ANO10: variants seen among roughly 807,000 people sequenced by gnomAD.
ANO10 encodes the protein anoctamin-10.
In ANO10, 77 loss-of-function variants were observed where a neutral mutation model predicts 74.7. The ratio of observed to expected loss-of-function variants is 1.03; its 90% confidence interval spans 0.86 to 1.25. The LOEUF is 1.25. Ranked by LOEUF, ANO10 falls within the 50% of genes most tolerant of loss-of-function variation. The pLI is 0.00. For missense variants in ANO10, 721 were observed against 778.1 expected, an observed-to-expected ratio of 0.93 and a Z score of 0.87; for synonymous variants, 279 against 284.9, an observed-to-expected ratio of 0.98 and a Z score of 0.21.
chr3:43,408,138 T>C (rs1372008184), intron 12 of ANO10, among the ~76,000 whole-genome samples: 1 of 152,134 alleles, frequency 6.6e-6, no homozygotes, highest in Non-Finnish European at 1.5e-5. Flanking sequence ...GAAAGCCTCA[T>C]TCAAAAAATA....
At chr3:43,643,476 A>G (rs953184521) in intron 1 of ANO10, among the ~76,000 whole-genome samples, 6 of 151,806 alleles carry the variant, frequency 4.0e-5, no homozygotes, top group Admixed American at 2.0e-4. Flanking sequence ...GTATGTTATA[A>G]AATGTTTGGA....
intron 11 of ANO10, among the ~76,000 whole-genome samples, chr3:43,455,434 G>C: frequency 6.6e-6 from 1 of 152,090 alleles, no homozygotes; most frequent in Non-Finnish European, 1.5e-5. Flanking sequence ...CAGCAGCCAT[G>C]GATGTGGAAG....
At chr3:43,613,851 C>A (rs1424175905) in intron 1 of ANO10, among the ~76,000 whole-genome samples, 1 of 152,116 alleles carries the variant, frequency 6.6e-6, no homozygotes, top group Non-Finnish European at 1.5e-5. Flanking sequence ...TTGAGGAGCC[C>A]TTAGTCTAGT....
chr3:43,418,979 G>A (rs1357597687), intron 12 of ANO10, among the ~76,000 whole-genome samples: 1 of 152,218 alleles, frequency 6.6e-6, no homozygotes, highest in Non-Finnish European at 1.5e-5. Context: ...GAGACTGGAT[G>A]GCCCACGTGC....
intron 11 of ANO10, among the ~76,000 whole-genome samples, chr3:43,446,064 G>A (rs1403344202): frequency 6.6e-6 from 1 of 152,122 alleles, no homozygotes; most frequent in Non-Finnish European, 1.5e-5. Context: ...GAAACGTATA[G>A]ATATCACTGT....
At chr3:43,619,659 G>A (rs1002293860) in intron 1 of ANO10, among the ~76,000 whole-genome samples, 13 of 151,652 alleles carry the variant, frequency 8.6e-5, no homozygotes, top group African/African-American at 2.9e-4. Flanking sequence ...AGACCAGCCT[G>A]GGCAACATGG....
chr3:43,373,431 G>A (rs1187494829), intron 12 of ANO10, among the ~76,000 whole-genome samples: 1 of 151,768 alleles, frequency 6.6e-6, no homozygotes, highest in East Asian at 1.9e-4. Flanking sequence ...GACATGTGAG[G>A]GAGTCTATGA....
chr3:43,618,903 G>A (rs1435325671), intron 1 of ANO10, among the ~76,000 whole-genome samples: 3 of 152,008 alleles, frequency 2.0e-5, no homozygotes, highest in Admixed American at 6.5e-5. Flanking sequence ...CCGGGTTCAC[G>A]CCATTCTCCT....
chr3:43,613,403 T>C (rs2082928211), intron 1 of ANO10, among the ~76,000 whole-genome samples: 1 of 152,050 alleles, frequency 6.6e-6, no homozygotes, highest in South Asian at 2.1e-4. Context: ...GTAAAATCAG[T>C]GAAGCAAGAA....
At chr3:43,500,487 T>G (rs546462075) in intron 11 of ANO10, among the ~76,000 whole-genome samples, 1 of 152,342 alleles carries the variant, frequency 6.6e-6, no homozygotes, top group African/African-American at 2.4e-5. Flanking sequence ...AATGGCCCAG[T>G]GTTGACATTC....
rs79789471 is a variant in ANO10, at chr3:43,507,354, C to T, written c.1797+42366G>A. The stretch of plus-strand genomic sequence containing the variant: ...AGGGAATAAGAAGTGTTCAGCGAGG[C>T]TCAGGGACCTACCACAGGTCCAGGC... On this transcript the variant is annotated intron_variant, in intron 11 of 12. Coordinates refer to ENST00000292246, the MANE Select transcript of ANO10 (RefSeq NM_018075.5). 9.5e-3 allele frequency among the ~76,000 whole-genome samples: 1,439 copies of T among 152,110 alleles called. 20 individuals are homozygous for T. Among genetic ancestry groups the T allele is most frequent in the African/African-American group, 0.032 (1,312 of 41,504 alleles).
In ANO10 at chr3:43,658,671, C is replaced by T. The variant is rs183091647; in HGVS notation, c.-12+32846G>A. Among the ~76,000 whole-genome samples the T allele has an allele frequency of 2.2e-3, 342 of 152,054 alleles. 1 individual carries two copies. The highest frequency in any genetic ancestry group is 7.4e-3 in the African/African-American group (308 of 41,458). On this transcript the variant is annotated intron_variant, in intron 1 of 3. Transcript: ENST00000413397. ...TTTTAGTAGAGACGGGATTTCACCACGTTGGCCAGGCTTGTCTTGAACTTC... is the reference window on the plus strand; with the variant it reads ...TTTTAGTAGAGACGGGATTTCACCATGTTGGCCAGGCTTGTCTTGAACTTC...
intron 11 of ANO10, among the ~76,000 whole-genome samples, chr3:43,483,350 G>A (rs1354552539): frequency 2.6e-5 from 4 of 152,120 alleles, no homozygotes; most frequent in Non-Finnish European, 5.9e-5. Flanking sequence ...CAGGTGGTGT[G>A]TTTTTTGTTC....
chr3:43,577,487 G>A (rs1048821061), intron 5 of ANO10, among the ~76,000 whole-genome samples: 3 of 151,876 alleles, frequency 2.0e-5, no homozygotes, highest in East Asian at 1.9e-4. Flanking sequence ...TAGCTGGGGG[G>A]TGTGCTCCGC....
At chr3:43,421,373 TA>T in intron 12 of ANO10, among the ~76,000 whole-genome samples, 1 of 151,292 alleles carries the variant, frequency 6.6e-6, no homozygotes, top group Admixed American at 6.6e-5. Flanking sequence ...ATAAAAATAA[TA>T]ATTAGCTGGG....
At chr3:43,598,736 A>T (rs192306889) in intron 3 of ANO10, 70 bp from the exon 4 acceptor site, 315 of 1,260,556 alleles carry the variant, frequency 2.5e-4, no homozygotes, top group African/African-American at 1.4e-3. Flanking sequence ...ACCTGAGATT[A>T]CAGAAATAAT....
Position 43,609,739 on chromosome 3 carries a change from A to G in ANO10, c.-11-3876T>C, listed in dbSNP as rs1210299563. 2.0e-5 allele frequency among the ~76,000 whole-genome samples: 3 copies of G among 152,228 alleles called. 1 individual carries two copies. The South Asian group carries it at 6.2e-4, about 32-fold the overall frequency. The stretch of plus-strand genomic sequence containing the variant: ...ACCTATACAGCATGTTACTGCACTG[A>G]ATCCTGTAGGCAATTGTAACACAAT... On this transcript the variant is annotated intron_variant, in intron 1 of 12. Transcript: ENST00000292246.
intron 3 of ANO10, 82 bp downstream of exon 3, chr3:43,600,302 A>C: frequency 6.6e-7 from 1 of 1,510,138 alleles, no homozygotes; most frequent in South Asian, 1.1e-5. Context: ...TACTGAAAAA[A>C]GTTTGCTGAT....
intron 11 of ANO10, among the ~76,000 whole-genome samples, chr3:43,463,133 T>C (rs1387715338): frequency 6.6e-6 from 1 of 152,130 alleles, no homozygotes; most frequent in East Asian, 1.9e-4. Flanking sequence ...TGGAGCACTG[T>C]CTAATGGAGC....
Sources: allele counts gnomAD v4.1 joint callset (sites outside exome capture counted in the v4.1 genomes callset), GRCh38; gene constraint gnomAD v4.1.1; transcripts MANE v1.5; gene names NCBI Gene and HGNC (gene_info 2026-07-23, HGNC 2026-07-21).